The following MCUB variants were observed in gnomAD, a reference collection of about 807,000 sequenced individuals.
MCUB encodes the protein calcium uniporter regulatory subunit MCUb, mitochondrial.
A neutral mutation model predicts 41.4 loss-of-function variants in MCUB; 46 were observed. That is an observed-to-expected ratio of 1.11 (90% CI 0.88 to 1.42). The LOEUF is 1.42. Among genes scored for constraint, MCUB ranks in the 40% most tolerant of loss-of-function variants. The pLI is 0.00. For synonymous variants in MCUB, 148 were observed against 148.2 expected (o/e 1.00, Z 0.01); for missense variants, 403 against 404.9 (o/e 1.00, Z 0.04).
At chr4:109,615,700 C>T (rs1176196876) in intron 1 of MCUB, among the ~76,000 whole-genome samples, 5 of 152,124 alleles carry the variant, frequency 3.3e-5, no homozygotes, top group Admixed American at 2.0e-4. Flanking sequence ...TGAGCCACCG[C>T]GCCCGGCATA....
chr4:109,680,525 C>T (rs924983598), intron 4 of MCUB, among the ~76,000 whole-genome samples: 13 of 152,128 alleles, frequency 8.5e-5, no homozygotes, highest in Admixed American at 7.9e-4. Flanking sequence ...TCCATCTATG[C>T]CTTTTCTCTG....
At chr4:109,671,685 A>G (rs1327412617) in intron 4 of MCUB, among the ~76,000 whole-genome samples, 1 of 152,182 alleles carries the variant, frequency 6.6e-6, no homozygotes, top group African/African-American at 2.4e-5. Flanking sequence ...TCCTACTCTG[A>G]TACTTCCAAA....
Position 109,600,495 on chromosome 4 carries a change from C to A in MCUB, c.99+40059C>A, listed in dbSNP as rs1006335881. Among the ~76,000 whole-genome samples, 4 of 152,270 alleles carry A rather than the reference C, an allele frequency of 2.6e-5. No homozygotes were observed. In the East Asian group the frequency reaches 7.7e-4, roughly 29 times the overall value. ...TATTTTATTACAGTAAAATGGTAGACCATAGGTTAAAAGCCATTTTAAGGA... is the reference window on the plus strand; with the variant it reads ...TATTTTATTACAGTAAAATGGTAGAACATAGGTTAAAAGCCATTTTAAGGA... On this transcript the variant is annotated intron_variant, in intron 1 of 7. Coordinates refer to ENST00000394650, the MANE Select transcript of MCUB (RefSeq NM_017918.5).
At chr4:109,657,308 G>A (rs1561243654) in intron 1 of MCUB, among the ~76,000 whole-genome samples, 1 of 151,222 alleles carries the variant, frequency 6.6e-6, no homozygotes, top group Non-Finnish European at 1.5e-5. Flanking sequence ...CCTATGTTGT[G>A]TTTAATACTA....
At chr4:109,676,289 G>C (rs1315408883) in intron 4 of MCUB, among the ~76,000 whole-genome samples, 1 of 152,090 alleles carries the variant, frequency 6.6e-6, no homozygotes, top group Non-Finnish European at 1.5e-5. Context: ...CTATAATCCC[G>C]GCACTTTAGG....
chr4:109,604,406 T>A (rs1258773192), intron 1 of MCUB, among the ~76,000 whole-genome samples: 1 of 151,642 alleles, frequency 6.6e-6, no homozygotes, highest in Non-Finnish European at 1.5e-5. Context: ...AAAAAAAAAA[T>A]AGTTTTTTGG....
intron 1 of MCUB, among the ~76,000 whole-genome samples, chr4:109,600,898 G>A (rs1228323014): frequency 2.0e-5 from 3 of 152,052 alleles, no homozygotes; most frequent in Non-Finnish European, 2.9e-5. Flanking sequence ...GGGTTCAAGC[G>A]ATTGTCCTGC....
chr4:109,616,630 CTTTCT>C (rs1441263511), intron 1 of MCUB, among the ~76,000 whole-genome samples: 4 of 152,140 alleles, frequency 2.6e-5, no homozygotes, highest in African/African-American at 9.7e-5. Context: ...ATACGTAGGT[CTTTCT>C]TTTAAGAAAT....
intron 1 of MCUB, among the ~76,000 whole-genome samples, chr4:109,657,234 A>T (rs1729125425): frequency 6.6e-6 from 1 of 151,930 alleles, no homozygotes; most frequent in Non-Finnish European, 1.5e-5. Context: ...AAAAAAAAAA[A>T]AAAAATAGAA....
chr4:109,569,331 C>CCACT (rs1726855302), intron 1 of MCUB, among the ~76,000 whole-genome samples: 1 of 152,058 alleles, frequency 6.6e-6, no homozygotes, highest in African/African-American at 2.4e-5. Context: ...CAGGCGTTAG[C>CCACT]CACTGCGCCT....
chr4:109,625,411 T>G (rs7677585), intron 1 of MCUB, among the ~76,000 whole-genome samples: 21,779 of 152,256 alleles, frequency 0.14, 1,649 homozygotes, highest in South Asian at 0.21. Flanking sequence ...GCAGCTATCC[T>G]GTTTTTCACT....
At chr4:109,635,027 C>T (rs535253605) in intron 1 of MCUB, among the ~76,000 whole-genome samples, 2 of 152,202 alleles carry the variant, frequency 1.3e-5, no homozygotes, top group South Asian at 4.2e-4. Context: ...TGTTCAACTC[C>T]TGCTTATGAG....
intron 4 of MCUB, among the ~76,000 whole-genome samples, chr4:109,681,019 A>C (rs370955371): frequency 1.2e-4 from 18 of 152,326 alleles, no homozygotes; most frequent in East Asian, 9.6e-4. Context: ...AAAACTCTGA[A>C]ACCGTAACTC....
chr4:109,592,690 C>CCA (rs1727466047), intron 1 of MCUB, among the ~76,000 whole-genome samples: 1 of 152,184 alleles, frequency 6.6e-6, no homozygotes. Flanking sequence ...AAAAGTAAAT[C>CCA]TACTCTAGTT....
At chr4:109,567,899 A>C (rs1357810664) in intron 1 of MCUB, among the ~76,000 whole-genome samples, 1 of 152,002 alleles carries the variant, frequency 6.6e-6, no homozygotes. Flanking sequence ...GGGTTTCACT[A>C]TATTGGTCAG....
At chr4:109,567,040 G>A (rs923177197) in intron 1 of MCUB, among the ~76,000 whole-genome samples, 2 of 148,656 alleles carry the variant, frequency 1.3e-5, no homozygotes, top group South Asian at 4.3e-4. Context: ...TTGAAGAGTA[G>A]ATGTCTTTTT....
intron 1 of MCUB, among the ~76,000 whole-genome samples, chr4:109,606,055 A>G: frequency 6.6e-6 from 1 of 151,992 alleles, no homozygotes; most frequent in East Asian, 1.9e-4. Context: ...GCTCGCTGCA[A>G]GCTCCACCTC....
chr4:109,570,943 A>G (rs773743390), intron 1 of MCUB, among the ~76,000 whole-genome samples: 5 of 152,222 alleles, frequency 3.3e-5, no homozygotes, highest in Non-Finnish European at 5.9e-5. Flanking sequence ...AAGGAAGAGA[A>G]TGGGAATGCT....
intron 1 of MCUB, among the ~76,000 whole-genome samples, chr4:109,602,881 T>G (rs1345612424): frequency 2.0e-5 from 3 of 152,218 alleles, no homozygotes; most frequent in African/African-American, 7.2e-5. Flanking sequence ...TTCTTGCATC[T>G]ATGATTTATA....
Sources: gnomAD v4.1 joint callset for allele counts (sites outside exome capture counted in the v4.1 genomes callset) on GRCh38, gnomAD v4.1.1 for gene constraint, MANE v1.5 for transcripts, NCBI Gene and HGNC (gene_info 2026-07-23, HGNC 2026-07-21) for gene names.